Variants in CTNND2 observed in about 807,000 individuals in gnomAD.
CTNND2 encodes catenin delta 2, also known as catenin delta-2.
In CTNND2, 22 loss-of-function variants were observed where a neutral mutation model predicts 144.4. The observed-to-expected ratio is 0.15, with a 90% confidence interval of 0.11 to 0.22. The LOEUF (loss-of-function observed/expected upper bound fraction) is 0.22. Ranked by LOEUF, CTNND2 falls within the 10% of genes least tolerant of loss-of-function variation. The pLI is 1.00. For synonymous variants in CTNND2, 751 were observed against 695.6 expected (o/e 1.08, Z -1.25); for missense variants, 1,353 against 1,618.8 (o/e 0.84, Z 2.82).
intron 10 of CTNND2, among the ~76,000 whole-genome samples, chr5:11,236,387 C>T (rs750528449): frequency 6.6e-6 from 1 of 152,074 alleles, no homozygotes; most frequent in Admixed American, 6.6e-5. Flanking sequence ...CTCCCAGAGT[C>T]GGAATTGGGA....
intron 1 of CTNND2, among the ~76,000 whole-genome samples, chr5:11,738,806 C>T: frequency 6.6e-6 from 1 of 152,072 alleles, no homozygotes; most frequent in East Asian, 1.9e-4. Context: ...GTTCCTGTGG[C>T]CATTATATGG....
At chr5:11,616,559 C>T (rs1303533930) in intron 2 of CTNND2, among the ~76,000 whole-genome samples, 1 of 151,128 alleles carries the variant, frequency 6.6e-6, no homozygotes, top group Non-Finnish European at 1.5e-5. Context: ...TTCTCCCTCC[C>T]TCCCTCCTTC....
chr5:11,724,177 G>GT (rs1786871198), intron 2 of CTNND2, among the ~76,000 whole-genome samples: 1 of 152,086 alleles, frequency 6.6e-6, no homozygotes, highest in South Asian at 2.1e-4. Flanking sequence ...CTATTGAAAG[G>GT]TTTTCAATGT....
At chr5:11,708,616 C>T (rs555496654) in intron 2 of CTNND2, among the ~76,000 whole-genome samples, 7 of 151,986 alleles carry the variant, frequency 4.6e-5, no homozygotes, top group Non-Finnish European at 1.0e-4. Context: ...TTATCTAGGG[C>T]GGGCCTTCTG....
intron 9 of CTNND2, among the ~76,000 whole-genome samples, chr5:11,242,087 T>A (rs970418120): frequency 6.6e-6 from 1 of 152,136 alleles, no homozygotes; most frequent in South Asian, 2.1e-4. Flanking sequence ...GAAAGATCAT[T>A]CATTCAAATA....
At chr5:11,099,637 C>T (rs1006449513) in intron 14 of CTNND2, among the ~76,000 whole-genome samples, 10 of 151,888 alleles carry the variant, frequency 6.6e-5, no homozygotes, top group African/African-American at 2.2e-4. Flanking sequence ...AATACAATGT[C>T]TTTTTTTTCT....
intron 3 of CTNND2, among the ~76,000 whole-genome samples, chr5:11,545,193 G>A (rs1262036104): frequency 2.0e-5 from 3 of 151,212 alleles, no homozygotes; most frequent in Non-Finnish European, 4.4e-5. Flanking sequence ...ATGGTGGCAG[G>A]CGCCTGTAAT....
At position 11,499,862 on chromosome 5, in the gene CTNND2, A is replaced by AT. The variant is rs202030597; in HGVS notation, c.287+65081dup. Among the ~76,000 whole-genome samples the AT allele has an allele frequency of 6.7e-4, 102 of 151,436 alleles. No homozygotes were observed. In the South Asian group the frequency reaches 9.4e-3, roughly 14 times the overall value. On this transcript the variant is annotated intron_variant, in intron 3 of 21. Coordinates refer to ENST00000304623, the MANE Select transcript of CTNND2 (RefSeq NM_001332.4). ...TTATTGATTTGTGATAAAAAGAAGT[A>AT]TTTTTTTTTCTTGAAGAATCTCCCA... is the stretch of plus-strand genomic sequence containing the variant.
intron 9 of CTNND2, among the ~76,000 whole-genome samples, chr5:11,279,767 G>C (rs1053322149): frequency 1.7e-4 from 26 of 152,166 alleles, no homozygotes; most frequent in African/African-American, 6.0e-4. Flanking sequence ...AATCATGGTG[G>C]AAGGTGAAGT....
chr5:11,855,590 TACAC>T (rs1409254927), intron 1 of CTNND2, among the ~76,000 whole-genome samples: 1 of 152,146 alleles, frequency 6.6e-6, no homozygotes, highest in Non-Finnish European at 1.5e-5. Context: ...GTATATGAAA[TACAC>T]ACAACTAAAA....
intron 10 of CTNND2, among the ~76,000 whole-genome samples, chr5:11,218,140 C>T (rs1046485827): frequency 2.0e-5 from 3 of 151,380 alleles, no homozygotes; most frequent in African/African-American, 7.3e-5. Context: ...AACAATATCC[C>T]TGAATATAAG....
chr5:10,990,478 T>C (rs1443703813), intron 19 of CTNND2, among the ~76,000 whole-genome samples: 2 of 152,176 alleles, frequency 1.3e-5, no homozygotes, highest in Non-Finnish European at 2.9e-5. Flanking sequence ...TCACCATCTT[T>C]CTCTTCCAGG....
intron 12 of CTNND2, among the ~76,000 whole-genome samples, chr5:11,134,747 T>A: frequency 6.6e-6 from 1 of 152,202 alleles, no homozygotes; most frequent in East Asian, 1.9e-4. Flanking sequence ...CAACTCTAGG[T>A]AGCACCTAAG....
At chr5:11,656,429 A>AT (rs540281815) in intron 2 of CTNND2, among the ~76,000 whole-genome samples, 228 of 151,576 alleles carry the variant, frequency 1.5e-3, no homozygotes, top group East Asian at 2.9e-3. Flanking sequence ...AAAAAAAAAA[A>AT]ATATACTAAT....
intron 12 of CTNND2, among the ~76,000 whole-genome samples, chr5:11,130,604 GT>G (rs1446637159): frequency 2.0e-5 from 3 of 152,170 alleles, no homozygotes; most frequent in African/African-American, 7.2e-5. Context: ...TGGATGCTGT[GT>G]GGCTAAAACC....
At chr5:11,694,399 C>T (rs559663146) in intron 2 of CTNND2, among the ~76,000 whole-genome samples, 3 of 150,248 alleles carry the variant, frequency 2.0e-5, no homozygotes, top group Non-Finnish European at 4.4e-5. Context: ...TGCAGCACTG[C>T]ACCTCCAGCC....
chr5:11,309,702 G>A (rs112476314), intron 9 of CTNND2, among the ~76,000 whole-genome samples: 4 of 152,150 alleles, frequency 2.6e-5, no homozygotes, highest in Non-Finnish European at 4.4e-5. Flanking sequence ...ATGTGAGAAG[G>A]ACATGAGATT....
At chr5:11,897,627 G>T (rs886188420) in intron 1 of CTNND2, among the ~76,000 whole-genome samples, 1 of 152,150 alleles carries the variant, frequency 6.6e-6, no homozygotes, top group African/African-American at 2.4e-5. Flanking sequence ...AATAGGGGAA[G>T]AACGCCAAGG....
At chr5:11,460,654 C>T (rs1202427722) in intron 3 of CTNND2, among the ~76,000 whole-genome samples, 4 of 152,118 alleles carry the variant, frequency 2.6e-5, no homozygotes, top group Admixed American at 6.6e-5. Context: ...AGGGCCTTTG[C>T]GCTTGCCACC....
Sources: gnomAD v4.1 joint callset for allele counts (sites outside exome capture counted in the v4.1 genomes callset) on GRCh38, gnomAD v4.1.1 for gene constraint, MANE v1.5 for transcripts, NCBI Gene and HGNC (gene_info 2026-07-23, HGNC 2026-07-21) for gene names.